Variants in CNTNAP2 observed in about 807,000 individuals in gnomAD.
The protein encoded by CNTNAP2 is contactin-associated protein-like 2.
CNTNAP2 carries 98 observed loss-of-function variants against 155.2 expected under a neutral mutation model. The ratio of observed to expected loss-of-function variants is 0.63; its 90% CI spans 0.54 to 0.75. The LOEUF (loss-of-function observed/expected upper bound fraction) is 0.75, where lower values mean the gene tolerates loss of function less well. Ranked by LOEUF, CNTNAP2 falls within the 30% of genes least tolerant of loss-of-function variation. The pLI is 0.00. For synonymous variants in CNTNAP2, 651 were observed against 631.2 expected (o/e 1.03, Z -0.47); for missense variants, 1,727 against 1,688.1 (o/e 1.02, Z -0.40).
chr7:147,014,148 G>A (rs1252956448), intron 3 of CNTNAP2, among the ~76,000 whole-genome samples: 1 of 152,106 alleles, frequency 6.6e-6, no homozygotes, highest in Non-Finnish European at 1.5e-5. Flanking sequence ...AAAGCAATCT[G>A]TATGCTGTCT....
chr7:148,117,891 T>C lies in CNTNAP2; in HGVS notation c.2384-227T>C, dbSNP rs537510042. Among the ~76,000 whole-genome samples the C allele has an allele frequency of 2.8e-3, 420 of 150,992 alleles. 2 individuals are homozygous for C. The highest frequency in any genetic ancestry group is 9.7e-3 in the African/African-American group (402 of 41,366). ...ATTTTATATAGATTGTATATATTAA[T>C]ACTTTAAATATCTTTATATGTAAAT... On this transcript the variant is annotated intron_variant, in intron 15 of 23. Transcript: ENST00000361727.
Position 147,249,604 on chromosome 7 carries a change from T to TAAAAAAA in CNTNAP2, c.1349-50522_1349-50516dup, listed in dbSNP as rs755601249. ...CTATAATAAAGGAAGACATTGGAGG[T>TAAAAAAA]AAAAAAAAAAAAAAAAAAAAAGGTT... is the stretch of plus-strand genomic sequence containing the variant. On this transcript the variant is annotated intron_variant, in intron 8 of 23. Coordinates refer to ENST00000361727, the MANE Select transcript of CNTNAP2 (RefSeq NM_014141.6). 7.5e-3 allele frequency among the ~76,000 whole-genome samples: 523 copies of TAAAAAAA among 69,976 alleles called. 37 individuals are homozygous for TAAAAAAA. The highest frequency in any genetic ancestry group is 0.044 in the East Asian group (49 of 1,116). The allele number at this position is 69,976 out of a possible 152,430, so 45.9% of individuals were successfully genotyped here. A position where few individuals can be genotyped will look rare whatever the true frequency, so the allele number is the denominator to read the frequency against.
intron 1 of CNTNAP2, among the ~76,000 whole-genome samples, chr7:146,749,909 C>G (rs1801873934): frequency 6.6e-6 from 1 of 152,144 alleles, no homozygotes; most frequent in African/African-American, 2.4e-5. Flanking sequence ...TGGACCAATG[C>G]TATGGCATGT....
At chr7:146,827,671 A>G (rs1803432854) in intron 2 of CNTNAP2, among the ~76,000 whole-genome samples, 3 of 152,052 alleles carry the variant, frequency 2.0e-5, no homozygotes, top group Non-Finnish European at 1.5e-5. Context: ...AGGGATGAAA[A>G]AATACAAAGT....
chr7:148,099,122 G>A (rs757837104), intron 15 of CNTNAP2, among the ~76,000 whole-genome samples: 2 of 152,136 alleles, frequency 1.3e-5, no homozygotes, highest in Non-Finnish European at 2.9e-5. Flanking sequence ...ACGAAACCCA[G>A]GTGTGTAAAA....
intron 8 of CNTNAP2, among the ~76,000 whole-genome samples, chr7:147,182,992 A>G (rs888132395): frequency 6.6e-6 from 1 of 152,198 alleles, no homozygotes; most frequent in Non-Finnish European, 1.5e-5. Context: ...TTTTAAAGTC[A>G]TCAATGATTC....
At chr7:146,395,041 CATCT>C (rs573294744) in intron 1 of CNTNAP2, among the ~76,000 whole-genome samples, 108 of 152,040 alleles carry the variant, frequency 7.1e-4, no homozygotes, top group African/African-American at 2.3e-3. Context: ...TCTCCAGTTC[CATCT>C]GTGTTGCCAC....
chr7:146,161,012 G>T (rs1798213122), intron 1 of CNTNAP2, among the ~76,000 whole-genome samples: 2 of 152,316 alleles, frequency 1.3e-5, no homozygotes, highest in Middle Eastern at 3.4e-3. Context: ...CCAGGATCAA[G>T]TTGGCTTCAT....
chr7:147,878,481 G>T (rs1361427078), intron 13 of CNTNAP2, among the ~76,000 whole-genome samples: 1 of 151,746 alleles, frequency 6.6e-6, no homozygotes, highest in Non-Finnish European at 1.5e-5. Flanking sequence ...TTGAAAGAAA[G>T]TTATTGTTTG....
chr7:147,790,455 C>A (rs1346222902), intron 13 of CNTNAP2, among the ~76,000 whole-genome samples: 1 of 152,110 alleles, frequency 6.6e-6, no homozygotes, highest in Admixed American at 6.6e-5. Context: ...TGATTTTTAA[C>A]CTCTGGAGAT....
At position 148,269,953 on chromosome 7, in the gene CNTNAP2, C is replaced by G. The variant is rs144048928; in HGVS notation, c.3475+2827C>G. 2.3e-3 allele frequency among the ~76,000 whole-genome samples: 357 copies of G among 152,284 alleles called. 2 individuals are homozygous for G. Among genetic ancestry groups the G allele is most frequent in the African/African-American group, 8.1e-3 (338 of 41,536 alleles). On this transcript the variant is annotated intron_variant, in intron 21 of 23. Transcript: ENST00000361727. ...CCTAAAGATACTACACTATGATATT[C>G]GTAAAGTAACATCAACTATAAACAT...
At chr7:147,833,957 A>C (rs1295355598) in intron 13 of CNTNAP2, among the ~76,000 whole-genome samples, 1 of 151,966 alleles carries the variant, frequency 6.6e-6, no homozygotes, top group East Asian at 1.9e-4. Flanking sequence ...AGGGGACGGC[A>C]TGAAGACAGA....
intron 8 of CNTNAP2, among the ~76,000 whole-genome samples, chr7:147,280,353 C>T (rs913157021): frequency 1.3e-5 from 2 of 151,896 alleles, no homozygotes; most frequent in African/African-American, 4.8e-5. Context: ...CATCCTCCAG[C>T]AAGTCTGCTT....
intron 1 of CNTNAP2, among the ~76,000 whole-genome samples, chr7:146,214,018 A>G (rs142954738): frequency 6.6e-6 from 1 of 152,318 alleles, no homozygotes; most frequent in Non-Finnish European, 1.5e-5. Context: ...TAGTGCTAGG[A>G]AGAGGCTTCA....
chr7:147,699,010 T>C (rs1796198507), intron 13 of CNTNAP2, among the ~76,000 whole-genome samples: 1 of 152,010 alleles, frequency 6.6e-6, no homozygotes, highest in South Asian at 2.1e-4. Flanking sequence ...AAAGCAAAGA[T>C]TGACCAATAG....
chr7:148,302,171 A>T (rs994377492), intron 21 of CNTNAP2, among the ~76,000 whole-genome samples: 25 of 152,310 alleles, frequency 1.6e-4, no homozygotes, highest in African/African-American at 5.3e-4. Context: ...GTGGTGGCTC[A>T]TCTAGCAGGC....
chr7:147,045,643 C>A (rs191483122), intron 4 of CNTNAP2, among the ~76,000 whole-genome samples: 219 of 152,196 alleles, frequency 1.4e-3, no homozygotes, highest in African/African-American at 5.1e-3. Flanking sequence ...AAATTAGAAT[C>A]TTTGGTCCTA....
intron 4 of CNTNAP2, among the ~76,000 whole-genome samples, chr7:147,075,041 G>C (rs940384985): frequency 5.9e-5 from 9 of 152,142 alleles, no homozygotes; most frequent in African/African-American, 2.2e-4. Context: ...ACCGTTAAGA[G>C]TACACAGTAA....
chr7:147,421,489 T>A (rs1366137469), intron 10 of CNTNAP2, among the ~76,000 whole-genome samples: 1 of 151,860 alleles, frequency 6.6e-6, no homozygotes, highest in Non-Finnish European at 1.5e-5. Flanking sequence ...TTAACTAATG[T>A]ATTTATCCAC....
Sources: allele counts gnomAD v4.1 joint callset (sites outside exome capture counted in the v4.1 genomes callset), GRCh38; gene constraint gnomAD v4.1.1; transcripts MANE v1.5; gene names NCBI Gene and HGNC (gene_info 2026-07-23, HGNC 2026-07-21).